PXDNL: variants seen among roughly 807,000 people sequenced by gnomAD.
PXDNL encodes peroxidasin like, also known as probable oxidoreductase PXDNL.
Under a neutral mutation model 150.8 loss-of-function variants are expected in PXDNL, and 145 were observed. The observed-to-expected ratio is 0.96, with a 90% confidence interval of 0.84 to 1.10. The LOEUF (loss-of-function observed/expected upper bound fraction) is 1.10. Among genes scored for constraint, PXDNL ranks in the 50% least tolerant of loss-of-function variants. The pLI is 0.00. For missense variants in PXDNL, 2,087 were observed against 1,873.9 expected (o/e 1.11, Z -2.10); for synonymous variants, 757 against 725.7 (o/e 1.04, Z -0.69).
chr8:51,594,844 T>C (rs1261522099), intron 2 of PXDNL, among the ~76,000 whole-genome samples: 2 of 152,188 alleles, frequency 1.3e-5, no homozygotes, highest in Admixed American at 1.3e-4. Context: ...TGTTTTATTA[T>C]TCAGAAAGAA....
intron 5 of PXDNL, among the ~76,000 whole-genome samples, chr8:51,498,672 C>T (rs536852974): frequency 6.6e-6 from 1 of 152,180 alleles, no homozygotes; most frequent in African/African-American, 2.4e-5. Flanking sequence ...TAATTACCAC[C>T]CAGGAAAAAC....
At chr8:51,708,667 T>C (rs1277834845) in intron 1 of PXDNL, among the ~76,000 whole-genome samples, 1 of 152,152 alleles carries the variant, frequency 6.6e-6, no homozygotes, top group Admixed American at 6.6e-5. Context: ...ATTAGAATCC[T>C]TGAAGAAGAG....
At chr8:51,559,337 C>CAA (rs1563464288) in intron 3 of PXDNL, among the ~76,000 whole-genome samples, 1 of 141,572 alleles carries the variant, frequency 7.1e-6, no homozygotes, top group African/African-American at 2.5e-5. Context: ...CAAACCCCCC[C>CAA]CCCCCCCGCC....
At chr8:51,701,324 C>CAACA (rs1816254359) in intron 1 of PXDNL, among the ~76,000 whole-genome samples, 2 of 152,106 alleles carry the variant, frequency 1.3e-5, no homozygotes, top group African/African-American at 4.8e-5. Context: ...CTCCTTCACC[C>CAACA]AACCTGCATT....
intron 3 of PXDNL, among the ~76,000 whole-genome samples, chr8:51,577,689 G>C (rs1334081481): frequency 1.3e-5 from 2 of 149,678 alleles, no homozygotes; most frequent in Non-Finnish European, 3.0e-5. Flanking sequence ...GCCCATTCAT[G>C]ATCAAAGCTC....
chr8:51,602,007 C>G (rs577180644), intron 2 of PXDNL, among the ~76,000 whole-genome samples: 30 of 151,950 alleles, frequency 2.0e-4, no homozygotes, highest in African/African-American at 7.0e-4. Flanking sequence ...ATATGAAATT[C>G]TTGGTTGGAA....
chr8:51,378,922 C>A (rs565683868), intron 17 of PXDNL, among the ~76,000 whole-genome samples: 3 of 152,192 alleles, frequency 2.0e-5, no homozygotes, highest in Non-Finnish European at 4.4e-5. Context: ...CGGCGAGGGT[C>A]TGCGACTTCA....
intron 1 of PXDNL, among the ~76,000 whole-genome samples, chr8:51,783,318 A>G (rs2037432646): frequency 6.6e-6 from 1 of 152,236 alleles, no homozygotes; most frequent in Non-Finnish European, 1.5e-5. Context: ...CAACTACTGG[A>G]CACTGCAGAA....
At chr8:51,629,401 T>C (rs1283601407) in intron 2 of PXDNL, among the ~76,000 whole-genome samples, 1 of 150,840 alleles carries the variant, frequency 6.6e-6, no homozygotes, top group East Asian at 1.9e-4. Flanking sequence ...TGAAGAAAAA[T>C]GAACAGAACC....
At chr8:51,652,673 A>G (rs1030828348) in intron 2 of PXDNL, among the ~76,000 whole-genome samples, 5 of 152,130 alleles carry the variant, frequency 3.3e-5, no homozygotes, top group Middle Eastern at 3.2e-3. Flanking sequence ...ATGAACCTCA[A>G]TTTCCTCATC....
intron 12 of PXDNL, among the ~76,000 whole-genome samples, chr8:51,437,390 GA>G (rs1037325137): frequency 1.3e-5 from 2 of 152,032 alleles, no homozygotes; most frequent in African/African-American, 4.8e-5. Context: ...AACAGAAAAA[GA>G]AAACTACAGA....
intron 2 of PXDNL, among the ~76,000 whole-genome samples, chr8:51,607,466 C>A (rs1813861221): frequency 6.6e-6 from 1 of 152,128 alleles, no homozygotes; most frequent in Non-Finnish European, 1.5e-5. Flanking sequence ...ACCCCCACTG[C>A]CAATAAGTGC....
chr8:51,604,427 C>G lies in PXDNL; in HGVS notation c.237-11729G>C, dbSNP rs569762466. Among the ~76,000 whole-genome samples the G allele has an allele frequency of 8.7e-4, 133 of 152,172 alleles. No homozygotes were observed. The South Asian group carries it at 0.012, about 14-fold the overall frequency. ...AAAAACCAAACACTGCATGTTCTCACTCATAGGTGGGAATTGAACAATGAG... is the reference window on the plus strand; with the variant it reads ...AAAAACCAAACACTGCATGTTCTCAGTCATAGGTGGGAATTGAACAATGAG... On this transcript the variant is annotated intron_variant, in intron 2 of 22. Transcript: ENST00000356297.
intron 8 of PXDNL, among the ~76,000 whole-genome samples, chr8:51,458,505 A>T (rs936355341): frequency 6.6e-6 from 1 of 152,226 alleles, no homozygotes; most frequent in Non-Finnish European, 1.5e-5. Flanking sequence ...GTACTAATGA[A>T]CGTTTTAGGC....
At chr8:51,726,911 C>T (rs1282667288) in intron 1 of PXDNL, among the ~76,000 whole-genome samples, 2 of 152,150 alleles carry the variant, frequency 1.3e-5, no homozygotes, top group East Asian at 1.9e-4. Flanking sequence ...CAATACTTTA[C>T]AGTTTTAGTA....
chr8:51,425,673 T>G (rs529602834), intron 13 of PXDNL, among the ~76,000 whole-genome samples: 7 of 151,828 alleles, frequency 4.6e-5, no homozygotes, highest in Non-Finnish European at 1.0e-4. Context: ...TACAAAAACT[T>G]AGTCGGGCGT....
At chr8:51,714,917 A>T (rs968715550) in intron 1 of PXDNL, among the ~76,000 whole-genome samples, 4 of 152,228 alleles carry the variant, frequency 2.6e-5, no homozygotes, top group African/African-American at 9.6e-5. Flanking sequence ...ACCAAAGAAT[A>T]AATTGTAAGT....
chr8:51,414,821 G>A (rs1377573669), intron 14 of PXDNL, among the ~76,000 whole-genome samples: 3 of 152,152 alleles, frequency 2.0e-5, no homozygotes, highest in Admixed American at 2.0e-4. Flanking sequence ...ATATAGGCAA[G>A]TTATAAAAGA....
chr8:51,472,109 T>G (rs747799038), intron 8 of PXDNL, 78 bp downstream of exon 8: 21 of 902,214 alleles, frequency 2.3e-5, no homozygotes, highest in Non-Finnish European at 3.5e-5. Context: ...CTTCTCTAGA[T>G]AAAGGAGTTA....
Sources: allele counts gnomAD v4.1 joint callset (sites outside exome capture counted in the v4.1 genomes callset), GRCh38; gene constraint gnomAD v4.1.1; transcripts MANE v1.5; gene names NCBI Gene and HGNC (gene_info 2026-07-23, HGNC 2026-07-21).